MROH9: variants seen among roughly 807,000 people sequenced by gnomAD.
MROH9 encodes the protein maestro heat-like repeat-containing protein family member 9.
In MROH9, 92 loss-of-function variants were observed where a neutral mutation model predicts 98.2. The observed-to-expected ratio is 0.94, with a 90% confidence interval of 0.79 to 1.11. The LOEUF (loss-of-function observed/expected upper bound fraction) is 1.11, where lower values mean the gene tolerates loss of function less well. MROH9 is among the 50% of genes most tolerant of loss of function. MROH9 has a pLI of 0.00. For missense variants in MROH9, 1,057 were observed against 1,014.8 expected (o/e 1.04, Z -0.57); for synonymous variants, 397 against 368.9 (o/e 1.08, Z -0.87).
chr1:171,043,192 T>C (rs1286580597), intron 20 of MROH9, among the ~76,000 whole-genome samples: 2 of 152,144 alleles, frequency 1.3e-5, no homozygotes, highest in Non-Finnish European at 2.9e-5. Flanking sequence ...TCTAGATTCA[T>C]TCTCCTGCAC....
chr1:170,983,834 A>G (rs1651025466), intron 9 of MROH9, among the ~76,000 whole-genome samples: 1 of 152,238 alleles, frequency 6.6e-6, no homozygotes, highest in Non-Finnish European at 1.5e-5. Flanking sequence ...TAGTTCACTA[A>G]AAATGGAGAA....
At chr1:171,061,258 CGTACT>C (rs1379627742) in intron 20 of MROH9, among the ~76,000 whole-genome samples, 1 of 152,090 alleles carries the variant, frequency 6.6e-6, no homozygotes, top group Non-Finnish European at 1.5e-5. Flanking sequence ...AAAATGTTAG[CGTACT>C]GTTTGTGGGA....
Position 171,033,238 on chromosome 1 carries a change from TCCC to T in MROH9, c.2281+7821_2281+7823del, listed in dbSNP as rs1383631455. Among the ~76,000 whole-genome samples the T allele has an allele frequency of 3.3e-5, 5 of 152,290 alleles. No individual in the cohort carries two copies. The East Asian group carries it at 9.7e-4, about 29-fold the overall frequency. On this transcript the variant is annotated intron_variant, in intron 20 of 21. Transcript: ENST00000367759. ...GAGTCCCAGTGCTGGCTGCTGCCCC[TCCC>T]CCAAGGAGCTCAAATGGCTTAGGGT...
At chr1:171,047,845 C>T (rs1302577658) in intron 20 of MROH9, among the ~76,000 whole-genome samples, 1 of 152,094 alleles carries the variant, frequency 6.6e-6, no homozygotes, top group Non-Finnish European at 1.5e-5. Context: ...GGTGTTGTAA[C>T]CTAAGTTGTA....
chr1:170,979,077 TA>T (rs1650826975), intron 8 of MROH9, among the ~76,000 whole-genome samples: 1 of 152,222 alleles, frequency 6.6e-6, no homozygotes, highest in South Asian at 2.1e-4. Context: ...AAGATATGTA[TA>T]TTTTTATACA....
At chr1:171,062,104 G>A in intron 20 of MROH9, 28 bp from the exon 21 acceptor site, 1 of 1,436,148 alleles carries the variant, frequency 7.0e-7, no homozygotes, top group Non-Finnish European at 9.5e-7. Context: ...GCATGTTGCA[G>A]TAACTTTAAT....
intron 8 of MROH9, among the ~76,000 whole-genome samples, chr1:170,976,939 GTTTCT>G (rs1650722418): frequency 6.6e-6 from 1 of 151,846 alleles, no homozygotes; most frequent in Admixed American, 6.6e-5. Context: ...TTACATTCTG[GTTTCT>G]TTTTTTTCTT....
intron 3 of MROH9, among the ~76,000 whole-genome samples, chr1:170,955,873 G>A (rs1250792804): frequency 6.6e-6 from 1 of 152,140 alleles, no homozygotes; most frequent in Non-Finnish European, 1.5e-5. Context: ...TGGGTTCTTG[G>A]TCATGAAATT....
At chr1:171,023,132 G>A (rs1652572018) in intron 17 of MROH9, among the ~76,000 whole-genome samples, 1 of 152,170 alleles carries the variant, frequency 6.6e-6, no homozygotes, top group Admixed American at 6.6e-5. Flanking sequence ...CAGCAGGAGG[G>A]TTGTTGGAGC....
intron 21 of MROH9, 46 bp from the exon 22 acceptor site, chr1:171,064,053 T>C: frequency 3.3e-6 from 5 of 1,500,456 alleles, no homozygotes; most frequent in Non-Finnish European, 4.4e-6. Flanking sequence ...CTTCATGGCC[T>C]CTAAGAAAGA....
In MROH9 at chr1:171,017,604, G is replaced by A. The variant is rs1381388082; in HGVS notation, c.1908+1268G>A. On this transcript the variant is annotated intron_variant, in intron 17 of 21. Coordinates refer to ENST00000367759, the MANE Select transcript of MROH9 (RefSeq NM_001163629.2). ...AAGCCCTTTAAACTCCTTGGGGGAG[G>A]GGTGGCAGCTGGCACTCAGACTGAT... 2.6e-5 allele frequency among the ~76,000 whole-genome samples: 4 copies of A among 152,118 alleles called. No individual in the cohort carries two copies. The East Asian group carries it at 7.7e-4, about 29-fold the overall frequency.
chr1:171,021,229 T>C (rs1392510475), intron 17 of MROH9, among the ~76,000 whole-genome samples: 1 of 152,104 alleles, frequency 6.6e-6, no homozygotes, highest in Non-Finnish European at 1.5e-5. Context: ...AAACTACCAT[T>C]GACATTATTC....
chr1:171,011,001 G>T (rs1047569785), intron 15 of MROH9, among the ~76,000 whole-genome samples: 7 of 152,238 alleles, frequency 4.6e-5, no homozygotes, highest in Admixed American at 3.3e-4. Context: ...TGGTGTTTTA[G>T]ACATGAAGTT....
chr1:171,049,488 C>A (rs1653584945), intron 20 of MROH9, among the ~76,000 whole-genome samples: 1 of 152,000 alleles, frequency 6.6e-6, no homozygotes, highest in African/African-American at 2.4e-5. Context: ...TGCCAACCCA[C>A]AGAGGGAACA....
At chr1:170,965,329 G>A in intron 7 of MROH9, 74 bp downstream of exon 7, 1 of 1,025,884 alleles carries the variant, frequency 9.7e-7, no homozygotes, top group South Asian at 1.4e-5. Context: ...CCATGTCTTG[G>A]GTCCTAACAG....
rs1017824845 is a variant in MROH9, at chr1:170,986,806, C to T, written c.879+96C>T. ...TGTCCACTTCTTTTTATATGTATTT[C>T]TTGTCATTGTTCATTATATGACTTC... On this transcript the variant is annotated intron_variant, in intron 10 of 21. Coordinates refer to ENST00000367759, the MANE Select transcript of MROH9 (RefSeq NM_001163629.2). The T allele has an allele frequency of 7.6e-6, 10 of 1,317,614 alleles. No individual in the cohort carries two copies. The East Asian group carries it at 1.2e-4, about 15-fold the overall frequency. 81.6% of individuals were successfully genotyped at this position (1,317,614 alleles called of 1,614,324 possible). A position where few individuals can be genotyped will look rare whatever the true frequency, so the allele number is the denominator to read the frequency against.
intron 15 of MROH9, among the ~76,000 whole-genome samples, chr1:171,004,870 T>G (rs1235966733): frequency 3.3e-5 from 5 of 152,196 alleles, no homozygotes; most frequent in Admixed American, 2.0e-4. Flanking sequence ...CTGTTTTGAC[T>G]ACTATAGCTT....
At chr1:170,938,393 C>G (rs1648983907) in intron 1 of MROH9, among the ~76,000 whole-genome samples, 1 of 152,206 alleles carries the variant, frequency 6.6e-6, no homozygotes. Flanking sequence ...GGAGAAATAG[C>G]ACTATAAATT....
intron 12 of MROH9, among the ~76,000 whole-genome samples, chr1:170,993,313 C>T (rs1346245223): frequency 6.6e-6 from 1 of 152,128 alleles, no homozygotes; most frequent in Non-Finnish European, 1.5e-5. Context: ...ATGATGCAAA[C>T]TTTAGTGGTA....
Sources: allele counts gnomAD v4.1 joint callset (sites outside exome capture counted in the v4.1 genomes callset), GRCh38; gene constraint gnomAD v4.1.1; transcripts MANE v1.5; gene names NCBI Gene and HGNC (gene_info 2026-07-23, HGNC 2026-07-21).